The following GRM3 variants were observed in gnomAD, a reference collection of about 807,000 sequenced individuals.
GRM3 encodes the protein glutamate metabotropic receptor 3.
Under a neutral mutation model 70.5 loss-of-function variants are expected in GRM3, and 26 were observed. The ratio of observed to expected loss-of-function variants is 0.37; its 90% CI spans 0.27 to 0.51. The LOEUF (loss-of-function observed/expected upper bound fraction) is 0.51. Ranked by LOEUF, GRM3 falls within the 20% of genes least tolerant of loss-of-function variation. The pLI, the probability that GRM3 is intolerant of heterozygous loss-of-function variation, is 0.93. For synonymous variants in GRM3, 443 were observed against 434.9 expected, an observed-to-expected ratio of 1.02 and a Z score of -0.23; for missense variants, 859 against 1,123.8, an observed-to-expected ratio of 0.76 and a Z score of 3.37.
intron 1 of GRM3, among the ~76,000 whole-genome samples, chr7:86,723,472 A>G (rs942424073): frequency 6.6e-6 from 1 of 152,186 alleles, no homozygotes; most frequent in African/African-American, 2.4e-5. Context: ...CTAAACTTAA[A>G]AAGAATTAAA....
intron 3 of GRM3, among the ~76,000 whole-genome samples, chr7:86,816,201 A>T (rs1056421768): frequency 2.0e-5 from 3 of 151,932 alleles, no homozygotes; most frequent in African/African-American, 7.2e-5. Flanking sequence ...TTAAATGGGT[A>T]AACAAAGAAA....
At chr7:86,801,991 C>G (rs1257955443) in intron 3 of GRM3, among the ~76,000 whole-genome samples, 1 of 152,022 alleles carries the variant, frequency 6.6e-6, no homozygotes, top group Non-Finnish European at 1.5e-5. Context: ...CATTTTCACC[C>G]TGAATTTAAG....
At chr7:86,771,194 G>A (rs909950917) in intron 2 of GRM3, among the ~76,000 whole-genome samples, 2 of 152,008 alleles carry the variant, frequency 1.3e-5, no homozygotes, top group African/African-American at 2.4e-5. Flanking sequence ...GGAGACTGAA[G>A]CCATATATTA....
At chr7:86,759,650 A>T (rs1796430904) in intron 1 of GRM3, among the ~76,000 whole-genome samples, 1 of 152,256 alleles carries the variant, frequency 6.6e-6, no homozygotes, top group African/African-American at 2.4e-5. Flanking sequence ...AAAACACAAG[A>T]CAAAATATGA....
At chr7:86,652,400 G>T (rs1793629249) in intron 1 of GRM3, among the ~76,000 whole-genome samples, 2 of 151,970 alleles carry the variant, frequency 1.3e-5, no homozygotes, top group South Asian at 4.2e-4. Flanking sequence ...ACGCAATCTC[G>T]GCTCACTGCA....
At chr7:86,738,955 A>G (rs948720234) in intron 1 of GRM3, among the ~76,000 whole-genome samples, 1 of 152,136 alleles carries the variant, frequency 6.6e-6, no homozygotes, top group Non-Finnish European at 1.5e-5. Context: ...ATTAACTATC[A>G]TCACTATGTT....
intron 1 of GRM3, chr7:86,710,230 C>T (rs1485930977): frequency 6.6e-6 from 1 of 151,814 alleles, no homozygotes; most frequent in African/African-American, 2.4e-5. Flanking sequence ...CCACTTATTT[C>T]TTTTCTATGA....
chr7:86,856,799 C>T (rs965622961), intron 5 of GRM3, among the ~76,000 whole-genome samples: 1 of 152,106 alleles, frequency 6.6e-6, no homozygotes, highest in African/African-American at 2.4e-5. Context: ...TTTTTTCCAT[C>T]CCTTAAATCA....
chr7:86,828,252 CA>C lies in GRM3; in HGVS notation c.1325-10580del, dbSNP rs576017633. Among the ~76,000 whole-genome samples, 370 of 150,792 alleles carry C rather than the reference CA, an allele frequency of 2.5e-3. 2 individuals are homozygous for C. The highest frequency in any genetic ancestry group is 2.8e-3 in the Non-Finnish European group (187 of 67,784). ...GCATTGGGGAATGCAAATTAACTAC[CA>C]AAAAAATCACAACGAGATACCGGTA... On this transcript the variant is annotated intron_variant, in intron 3 of 5. Transcript: ENST00000361669.
At chr7:86,787,596 G>A (rs557285997) in intron 3 of GRM3, among the ~76,000 whole-genome samples, 20 of 152,222 alleles carry the variant, frequency 1.3e-4, no homozygotes, top group African/African-American at 4.6e-4. Context: ...TTCTCCCAGA[G>A]CATAATTAGG....
At chr7:86,857,625 C>A (rs754765990) in intron 5 of GRM3, among the ~76,000 whole-genome samples, 1 of 152,190 alleles carries the variant, frequency 6.6e-6, no homozygotes, top group Non-Finnish European at 1.5e-5. Flanking sequence ...AGAAAGGAGA[C>A]TAAAACTAAT....
intron 1 of GRM3, among the ~76,000 whole-genome samples, chr7:86,669,085 C>T (rs1194147142): frequency 2.0e-5 from 3 of 152,130 alleles, no homozygotes; most frequent in Non-Finnish European, 4.4e-5. Context: ...ACCATGTCTT[C>T]CTCAAGCAAC....
rs576821571 is a variant in GRM3, at chr7:86,658,074, T to C, written c.-141+13202T>C. On this transcript the variant is annotated intron_variant, in intron 1 of 5. Transcript: ENST00000361669. ...CAAATCAATATTTTCTATGTGGCTA[T>C]TATTTGATTGCATTTATCTGTAGAT... is the stretch of plus-strand genomic sequence containing the variant. Among the ~76,000 whole-genome samples, 4 of 152,320 alleles carry C rather than the reference T, an allele frequency of 2.6e-5. No individual in the cohort carries two copies. The South Asian group carries it at 6.2e-4, about 24-fold the overall frequency.
chr7:86,787,748 C>G (rs1797298428), intron 3 of GRM3, among the ~76,000 whole-genome samples: 1 of 152,116 alleles, frequency 6.6e-6, no homozygotes, highest in Non-Finnish European at 1.5e-5. Flanking sequence ...TTTCTGGGAG[C>G]TTGACTATAA....
intron 1 of GRM3, among the ~76,000 whole-genome samples, chr7:86,693,456 A>G (rs1031279435): frequency 6.6e-6 from 1 of 152,202 alleles, no homozygotes; most frequent in African/African-American, 2.4e-5. Flanking sequence ...AAGATTGCAG[A>G]AACAAAGACA....
chr7:86,767,470 T>C (rs1391381949), intron 2 of GRM3, among the ~76,000 whole-genome samples: 2 of 144,306 alleles, frequency 1.4e-5, no homozygotes, highest in Non-Finnish European at 3.0e-5. Context: ...TAAAGAGAGA[T>C]GAAAAATGCT....
chr7:86,767,212 C>CA lies in GRM3; in HGVS notation c.468+1610dup, dbSNP rs879936515. ...GGAGCAACTGAGCAAGACTTCATCT[C>CA]AAAAAAAAAAATGTAAATAATGATA... On this transcript the variant is annotated intron_variant, in intron 2 of 5. Coordinates refer to ENST00000361669, the MANE Select transcript of GRM3 (RefSeq NM_000840.3). Among the ~76,000 whole-genome samples, 421 of 139,914 alleles carry CA rather than the reference C, an allele frequency of 3.0e-3. 1 individual carries two copies. Among genetic ancestry groups the CA allele is most frequent in the South Asian group, 4.3e-3 (19 of 4,396 alleles). The allele number at this position is 139,914 out of a possible 152,430, so 91.8% of individuals were successfully genotyped here. A position where few individuals can be genotyped will look rare whatever the true frequency, so the allele number is the denominator to read the frequency against.
intron 1 of GRM3, among the ~76,000 whole-genome samples, chr7:86,759,495 AATTT>A (rs1176415263): frequency 6.6e-6 from 1 of 152,142 alleles, no homozygotes; most frequent in Non-Finnish European, 1.5e-5. Context: ...TGCTACTGGG[AATTT>A]ATTATTTAAC....
chr7:86,839,055 C>T lies in GRM3; in HGVS notation c.1541C>T (p.Ala514Val), dbSNP rs755321060. The T allele has an allele frequency of 6.2e-7, 1 of 1,613,800 alleles. No individual in the cohort carries two copies. Among genetic ancestry groups the T allele is most frequent in the Non-Finnish European group, 8.5e-7 (1 of 1,179,690 alleles). The change falls in exon 4 of 6, where the codon GCC (alanine) becomes GTC (valine). Residue 514 changes from alanine (A) to valine (V), a missense_variant. Ala to Val is a moderately conservative substitution (Grantham distance 64). Transcript: ENST00000361669. This position sits in a 1 kb window ranked among gnomAD's most constrained non-coding sequence, Gnocchi z 4.5. ...VPTSQCSDPC[A>V]PNEMKNMQPG... Reference sequence around the variant, plus strand: ...ACTTCCCAGTGCAGCGACCCCTGTGCCCCCAATGAAATGAAGAATATGCAA... The same window carrying T: ...ACTTCCCAGTGCAGCGACCCCTGTGTCCCCAATGAAATGAAGAATATGCAA...
Sources: gnomAD v4.1 joint callset for allele counts (sites outside exome capture counted in the v4.1 genomes callset) on GRCh38, gnomAD v4.1.1 for gene constraint, Gnocchi (gnomAD v3.1) non-coding constraint, MANE v1.5 for transcripts, NCBI Gene and HGNC (gene_info 2026-07-23, HGNC 2026-07-21) for gene names.